Variants in CAMK1D observed in about 807,000 individuals in gnomAD.
CAMK1D encodes the protein calcium/calmodulin-dependent protein kinase type 1D.
In CAMK1D, 9 loss-of-function variants were observed where a neutral mutation model predicts 47.7. The ratio of observed to expected loss-of-function variants is 0.19; its 90% CI spans 0.11 to 0.33. The LOEUF is 0.33. CAMK1D is among the 10% of genes least tolerant of loss of function. The pLI is 1.00. For synonymous variants in CAMK1D, 184 were observed against 184.9 expected (o/e 0.99, Z 0.04); for missense variants, 291 against 488.7 (o/e 0.60, Z 3.81).
intron 2 of CAMK1D, among the ~76,000 whole-genome samples, chr10:12,571,130 A>T (rs1244239796): frequency 6.6e-6 from 1 of 152,074 alleles, no homozygotes; most frequent in Non-Finnish European, 1.5e-5. Context: ...CCAGCACAGC[A>T]GTATCTCCTG....
chr10:12,513,558 G>T (rs1377678068), intron 1 of CAMK1D, among the ~76,000 whole-genome samples: 1 of 152,170 alleles, frequency 6.6e-6, no homozygotes, highest in African/African-American at 2.4e-5. Flanking sequence ...GGCCGAGGCA[G>T]TCAGATTGCT....
intron 1 of CAMK1D, among the ~76,000 whole-genome samples, chr10:12,486,775 A>G (rs1834231917): frequency 6.6e-6 from 1 of 152,170 alleles, no homozygotes; most frequent in Non-Finnish European, 1.5e-5. Context: ...GCCCACTTTT[A>G]AAACATTTCA....
chr10:12,581,399 T>C (rs181343536), intron 2 of CAMK1D, among the ~76,000 whole-genome samples: 1 of 152,346 alleles, frequency 6.6e-6, no homozygotes, highest in Non-Finnish European at 1.5e-5. Context: ...TCTGGGTAGA[T>C]ATCCAGTAGT....
intron 1 of CAMK1D, among the ~76,000 whole-genome samples, chr10:12,514,942 C>A (rs1036523037): frequency 1.3e-5 from 2 of 152,232 alleles, no homozygotes; most frequent in African/African-American, 4.8e-5. Flanking sequence ...CCTCTGCCTC[C>A]TGGGTTCAAG....
chr10:12,428,706 C>T (rs10906147), intron 1 of CAMK1D, among the ~76,000 whole-genome samples: 3 of 152,018 alleles, frequency 2.0e-5, no homozygotes, highest in Non-Finnish European at 2.9e-5. Flanking sequence ...TGTTAGGAGC[C>T]GAAAGCTTGT....
In CAMK1D at chr10:12,442,241, G is replaced by A. The variant is rs149357057; in HGVS notation, c.92+92331G>A. ...TCATGCCTGTAATCCCAGCACTTTG[G>A]GAGGTCAAGGCAGGCGGATCACGAG... is the stretch of plus-strand genomic sequence containing the variant. On this transcript the variant is annotated intron_variant, in intron 1 of 10. Coordinates refer to ENST00000619168, the MANE Select transcript of CAMK1D (RefSeq NM_153498.4). Among the ~76,000 whole-genome samples the A allele has an allele frequency of 6.5e-3, 986 of 152,320 alleles. 16 individuals are homozygous for A. The highest frequency in any genetic ancestry group is 0.023 in the African/African-American group (937 of 41,568).
intron 1 of CAMK1D, among the ~76,000 whole-genome samples, chr10:12,491,038 G>A (rs1415336335): frequency 6.6e-6 from 1 of 152,154 alleles, no homozygotes; most frequent in Non-Finnish European, 1.5e-5. Flanking sequence ...AAGGAAAATG[G>A]TTCTGTGCAG....
chr10:12,532,234 A>G (rs1835826981), intron 1 of CAMK1D, among the ~76,000 whole-genome samples: 1 of 151,794 alleles, frequency 6.6e-6, no homozygotes, highest in Non-Finnish European at 1.5e-5. Flanking sequence ...TATTCAAAAG[A>G]TACATATTGA....
At chr10:12,592,553 C>T (rs1229414867) in intron 2 of CAMK1D, among the ~76,000 whole-genome samples, 1 of 148,978 alleles carries the variant, frequency 6.7e-6, no homozygotes, top group Non-Finnish European at 1.5e-5. Context: ...GCCCACCCAA[C>T]CCCCCATTCT....
intron 1 of CAMK1D, among the ~76,000 whole-genome samples, chr10:12,452,594 T>G (rs202086257): frequency 6.9e-6 from 1 of 144,060 alleles, no homozygotes; most frequent in Non-Finnish European, 1.5e-5. Flanking sequence ...CATTTTGACT[T>G]TTTTTTTTTG....
intron 1 of CAMK1D, among the ~76,000 whole-genome samples, chr10:12,367,725 C>CT: frequency 6.6e-6 from 1 of 152,200 alleles, no homozygotes; most frequent in East Asian, 1.9e-4. Context: ...CCACCGCTGA[C>CT]TGAACGGGAG....
At chr10:12,379,115 T>C (rs1838271556) in intron 1 of CAMK1D, among the ~76,000 whole-genome samples, 1 of 152,184 alleles carries the variant, frequency 6.6e-6, no homozygotes, top group African/African-American at 2.4e-5. Context: ...TGACCAAGCA[T>C]GCATTTCTTT....
At chr10:12,508,821 T>C (rs1289626131) in intron 1 of CAMK1D, among the ~76,000 whole-genome samples, 2 of 152,140 alleles carry the variant, frequency 1.3e-5, no homozygotes, top group Non-Finnish European at 2.9e-5. Flanking sequence ...GCACTTAAGC[T>C]GAAAGTCATG....
At chr10:12,825,287 C>T (rs974637552) in intron 9 of CAMK1D, among the ~76,000 whole-genome samples, 2 of 145,016 alleles carry the variant, frequency 1.4e-5, no homozygotes, top group Non-Finnish European at 3.1e-5. Flanking sequence ...TTCTAAAGGC[C>T]ACATCTCTTA....
At chr10:12,441,491 T>G (rs1464958886) in intron 1 of CAMK1D, among the ~76,000 whole-genome samples, 1 of 150,628 alleles carries the variant, frequency 6.6e-6, no homozygotes, top group African/African-American at 2.5e-5. Context: ...GCCACTGTGC[T>G]TGGCCTTTAA....
At position 12,467,627 on chromosome 10, in the gene CAMK1D, A is replaced by G. The variant is rs370703369; in HGVS notation, c.93-85598A>G. Among the ~76,000 whole-genome samples the G allele has an allele frequency of 7.4e-4, 113 of 152,368 alleles. 3 individuals are homozygous for G. The South Asian group carries it at 0.023, about 31-fold the overall frequency. On this transcript the variant is annotated intron_variant, in intron 1 of 10. Coordinates refer to ENST00000619168, the MANE Select transcript of CAMK1D (RefSeq NM_153498.4). Reference sequence around the variant, plus strand: ...GTCAGTTATGCCAGGTCTACCTAGAATAGATGACTTTTCTCTCATCAACAC... The same window carrying G: ...GTCAGTTATGCCAGGTCTACCTAGAGTAGATGACTTTTCTCTCATCAACAC...
At chr10:12,660,258 T>C (rs1840237691) in intron 2 of CAMK1D, among the ~76,000 whole-genome samples, 1 of 152,180 alleles carries the variant, frequency 6.6e-6, no homozygotes, top group Non-Finnish European at 1.5e-5. Context: ...GTGCTTTGCT[T>C]TTTCTTTCTT....
intron 2 of CAMK1D, among the ~76,000 whole-genome samples, chr10:12,617,142 A>G (rs1838849518): frequency 6.6e-6 from 1 of 152,198 alleles, no homozygotes; most frequent in African/African-American, 2.4e-5. Context: ...AATTGGGAAG[A>G]AAGTTATTAG....
At chr10:12,800,223 G>A (rs747260779) in intron 6 of CAMK1D, among the ~76,000 whole-genome samples, 18 of 152,184 alleles carry the variant, frequency 1.2e-4, no homozygotes, top group East Asian at 1.9e-4. Context: ...TTTTTATAAC[G>A]ATTCAGGTCT....
Sources: allele counts gnomAD v4.1 joint callset (sites outside exome capture counted in the v4.1 genomes callset), GRCh38; gene constraint gnomAD v4.1.1; transcripts MANE v1.5; gene names NCBI Gene and HGNC (gene_info 2026-07-23, HGNC 2026-07-21).